The following UNC80 variants were observed in gnomAD, a reference collection of about 807,000 sequenced individuals.
UNC80 encodes unc-80 subunit of NALCN channel complex.
A neutral mutation model predicts 384.6 loss-of-function variants in UNC80; 164 were observed. The ratio of observed to expected loss-of-function variants is 0.43; its 90% CI spans 0.38 to 0.49. The LOEUF (loss-of-function observed/expected upper bound fraction) is 0.49, where lower values mean the gene tolerates loss of function less well. Among genes scored for constraint, UNC80 ranks in the 20% least tolerant of loss-of-function variants. The pLI, the probability that UNC80 is intolerant of heterozygous loss-of-function variation, is 0.00. For synonymous variants in UNC80, 1,486 were observed against 1,527.8 expected, an observed-to-expected ratio of 0.97 and a Z score of 0.64; for missense variants, 3,330 against 4,143.0, an observed-to-expected ratio of 0.80 and a Z score of 5.39.
At chr2:209,929,490 A>C (rs1214457473) in intron 36 of UNC80, among the ~76,000 whole-genome samples, 1 of 152,228 alleles carries the variant, frequency 6.6e-6, no homozygotes, top group Non-Finnish European at 1.5e-5. Context: ...ACATATTTTC[A>C]AAATCCAAAT....
intron 59 of UNC80, among the ~76,000 whole-genome samples, chr2:209,979,762 A>T (rs2093112319): frequency 6.6e-6 from 1 of 152,240 alleles, no homozygotes; most frequent in African/African-American, 2.4e-5. Context: ...TATAACGTTT[A>T]TAGCAAAGTT....
At chr2:209,831,668 GT>G (rs774971919) in intron 16 of UNC80, 77 bp downstream of exon 16, 17 of 1,357,336 alleles carry the variant, frequency 1.3e-5, no homozygotes, top group Non-Finnish European at 1.5e-5. Context: ...GTGGCCATGA[GT>G]AAGAGAAGCT....
Position 209,831,480 on chromosome 2 carries a change from C to A in UNC80, c.2664C>A (p.Asp888Glu). Residue 888 changes from aspartate (D) to glutamate (E), a missense_variant, in exon 16 of 65, where the codon GAC becomes GAA. By Grantham distance (45) the Asp-to-Glu change is conservative. Coordinates refer to ENST00000673920, the MANE Select transcript of UNC80 (RefSeq NM_001371986.1). Reference protein sequence around the residue: ...AGFGNNFTTVDNKSTAQNVEG... With the variant: ...AGFGNNFTTVENKSTAQNVEG... ...TTGGAAATAACTTCACCACAGTGGA[C>A]AACAAATCCACAGCCCAAAATGTGG... The A allele has an allele frequency of 1.3e-6, 2 of 1,551,098 alleles. No homozygotes were observed. Among genetic ancestry groups the A allele is most frequent in the Non-Finnish European group, 1.7e-6 (2 of 1,146,756 alleles).
chr2:209,947,018 T>C (rs1308226461), intron 47 of UNC80, among the ~76,000 whole-genome samples: 1 of 152,180 alleles, frequency 6.6e-6, no homozygotes, highest in African/African-American at 2.4e-5. Context: ...AGAAAAACAG[T>C]ATGCCTGTGG....
At chr2:209,784,195 C>T (rs916776286) in intron 4 of UNC80, among the ~76,000 whole-genome samples, 1 of 152,070 alleles carries the variant, frequency 6.6e-6, no homozygotes, top group South Asian at 2.1e-4. Context: ...TCATTTTGCC[C>T]TCTATTAGTA....
intron 9 of UNC80, among the ~76,000 whole-genome samples, chr2:209,815,696 T>A (rs1442286624): frequency 6.6e-6 from 1 of 152,216 alleles, no homozygotes; most frequent in African/African-American, 2.4e-5. Context: ...TGATGGTAAC[T>A]TTCAACTCAT....
intron 7 of UNC80, chr2:209,808,877 C>G (rs1293390985): frequency 6.8e-6 from 2 of 295,268 alleles, no homozygotes; most frequent in Admixed American, 9.1e-5. Context: ...CTGCCGGACT[C>G]GAATCCAGAG....
At position 209,976,089 on chromosome 2, in the gene UNC80, G is replaced by T; in HGVS notation, c.8588-30G>T. The stretch of plus-strand genomic sequence containing the variant: ...GGTTCCTCGGAAGCACACGTCCGCA[G>T]GCTCATTTTTCTCTTTTCCCGGTGT... On this transcript the variant is annotated intron_variant, in intron 56 of 64. Coordinates refer to ENST00000673920, the MANE Select transcript of UNC80 (RefSeq NM_001371986.1). This position sits in a 1 kb window ranked among gnomAD's most constrained non-coding sequence, Gnocchi z 4.3. The T allele has an allele frequency of 4.6e-6, 7 of 1,537,336 alleles. No individual in the cohort carries two copies. Among genetic ancestry groups the T allele is most frequent in the Non-Finnish European group, 6.1e-6 (7 of 1,140,826 alleles).
At chr2:209,923,190 A>G (rs2090167199) in intron 35 of UNC80, among the ~76,000 whole-genome samples, 1 of 152,130 alleles carries the variant, frequency 6.6e-6, no homozygotes, top group Non-Finnish European at 1.5e-5. Context: ...AAAATTTTTT[A>G]TTTTAATTAG....
At chr2:209,952,940 C>T (rs2092252826) in intron 47 of UNC80, among the ~76,000 whole-genome samples, 1 of 151,982 alleles carries the variant, frequency 6.6e-6, no homozygotes, top group South Asian at 2.1e-4. Context: ...ATATTATAGG[C>T]AAAATTATAT....
intron 61 of UNC80, among the ~76,000 whole-genome samples, chr2:209,990,787 T>G (rs1575247796): frequency 6.6e-6 from 1 of 152,324 alleles, no homozygotes; most frequent in East Asian, 1.9e-4. Flanking sequence ...ACATGGATAT[T>G]TTTGAAGTTG....
Position 209,976,797 on chromosome 2 carries a change from A to T in UNC80, c.8773-116A>T. 1 of 1,197,718 alleles carries T rather than the reference A, an allele frequency of 8.3e-7. No homozygotes were observed. Among genetic ancestry groups the T allele is most frequent in the Non-Finnish European group, 1.1e-6 (1 of 876,410 alleles). The allele number at this position is 1,197,718 out of a possible 1,614,324, so 74.2% of individuals were successfully genotyped here. ...CACTTCCTGTGTAAAGTGCCGTTCT[A>T]GGAACATCACATGCATTACCTTATT... On this transcript the variant is annotated intron_variant, in intron 57 of 64. Coordinates refer to ENST00000673920, the MANE Select transcript of UNC80 (RefSeq NM_001371986.1). This position sits in a 1 kb window ranked among gnomAD's most constrained non-coding sequence, Gnocchi z 4.3.
intron 40 of UNC80, among the ~76,000 whole-genome samples, chr2:209,936,095 T>C (rs1304841471): frequency 1.3e-5 from 2 of 152,112 alleles, no homozygotes; most frequent in African/African-American, 4.8e-5. Flanking sequence ...AATCAACTTT[T>C]CCAAACTCGT....
chr2:209,863,736 T>C (rs532278150), intron 22 of UNC80, among the ~76,000 whole-genome samples: 1 of 152,154 alleles, frequency 6.6e-6, no homozygotes, highest in Non-Finnish European at 1.5e-5. Context: ...GCAATTCCTC[T>C]AACCTTTTAT....
chr2:209,839,378 C>T lies in UNC80; in HGVS notation c.3198C>T (p.Ala1066=). 6.4e-7 allele frequency: 1 copy of T among 1,551,994 alleles called. No homozygotes were observed. Among genetic ancestry groups the T allele is most frequent in the Non-Finnish European group, 8.7e-7 (1 of 1,147,068 alleles). Reference sequence around the variant, plus strand: ...CAGGGACCACCTCTGACCGACGTGCCCGCTCACGATCCCGCAGAATTTCCC... The same window carrying T: ...CAGGGACCACCTCTGACCGACGTGCTCGCTCACGATCCCGCAGAATTTCCC... The part of the protein sequence containing the change: ...AHSGTTSDRR[A]RSRSRRISLR... Residue 1066 remains alanine (A), a synonymous_variant, in exon 19 of 65, where the codon GCC becomes GCT. Coordinates refer to ENST00000673920, the MANE Select transcript of UNC80 (RefSeq NM_001371986.1). The surrounding 1 kb of genome is among the most constrained non-coding windows in gnomAD (Gnocchi z 4.1).
At chr2:209,781,091 G>T (rs1055566151) in intron 4 of UNC80, among the ~76,000 whole-genome samples, 1 of 152,158 alleles carries the variant, frequency 6.6e-6, no homozygotes, top group African/African-American at 2.4e-5. Context: ...GCTTGTATAA[G>T]ACATGGTGCT....
chr2:209,866,531 C>CAGAGAG (rs1381638930), intron 22 of UNC80, among the ~76,000 whole-genome samples: 73 of 122,054 alleles, frequency 6.0e-4, no homozygotes, highest in South Asian at 9.1e-4. Context: ...CACACACACA[C>CAGAGAG]ACAGAGAGAG....
At position 209,872,667 on chromosome 2, in the gene UNC80, A is replaced by C; in HGVS notation, c.3628-91A>C. On this transcript the variant is annotated intron_variant, in intron 22 of 64. Transcript: ENST00000673920. The surrounding 1 kb of genome is among the most constrained non-coding windows in gnomAD (Gnocchi z 4.1). ...AAATCAAAACATGAAGAGGAAAATAAACTAAAAATACACAGTAATTCCCTT... is the reference window on the plus strand; with the variant it reads ...AAATCAAAACATGAAGAGGAAAATACACTAAAAATACACAGTAATTCCCTT... 1 of 1,207,044 alleles carries C rather than the reference A, an allele frequency of 8.3e-7. No individual in the cohort carries two copies. Among genetic ancestry groups the C allele is most frequent in the Non-Finnish European group, 1.2e-6 (1 of 843,546 alleles). 74.8% of individuals were successfully genotyped at this position (1,207,044 alleles called of 1,614,324 possible).
chr2:209,861,922 C>G (rs1413982439), intron 22 of UNC80, among the ~76,000 whole-genome samples: 5 of 152,230 alleles, frequency 3.3e-5, no homozygotes, highest in African/African-American at 9.6e-5. Flanking sequence ...ATTCTTCTCT[C>G]TCTTCTTCTT....
Sources: gnomAD v4.1 joint callset for allele counts (sites outside exome capture counted in the v4.1 genomes callset) on GRCh38, gnomAD v4.1.1 for gene constraint, Gnocchi (gnomAD v3.1) non-coding constraint, MANE v1.5 for transcripts, NCBI Gene and HGNC (gene_info 2026-07-23, HGNC 2026-07-21) for gene names.